Variants in ZNF729 observed in about 807,000 individuals in gnomAD.
ZNF729 encodes the protein zinc finger protein 729.
In ZNF729, 15 loss-of-function variants were observed where a neutral mutation model predicts 12.2. The observed-to-expected ratio is 1.23, with a 90% CI of 0.82 to 1.89. ZNF729 has a LOEUF of 1.89. ZNF729 is among the 40% of genes most tolerant of loss of function. The pLI is 0.00. For synonymous variants in ZNF729, 492 were observed against 476.3 expected, an observed-to-expected ratio of 1.03 and a Z score of -0.43; for missense variants, 1,540 against 1,456.7, an observed-to-expected ratio of 1.06 and a Z score of -0.93.
intron 1 of ZNF729, among the ~76,000 whole-genome samples, chr19:22,298,151 T>C (rs1968256797): frequency 6.6e-6 from 1 of 152,086 alleles, no homozygotes; most frequent in Non-Finnish European, 1.5e-5. Context: ...TAGTTACGTG[T>C]AGTGTTTGTA....
chr19:22,301,024 A>C (rs1399160895), intron 1 of ZNF729, among the ~76,000 whole-genome samples: 1 of 152,034 alleles, frequency 6.6e-6, no homozygotes, highest in East Asian at 1.9e-4. Flanking sequence ...GAGCAGAATT[A>C]TGTTTCTCTT....
chr19:22,301,570 A>G (rs1968305433), intron 1 of ZNF729, among the ~76,000 whole-genome samples: 1 of 152,304 alleles, frequency 6.6e-6, no homozygotes, highest in African/African-American at 2.4e-5. Context: ...GAGAGTATGC[A>G]GAAAACCAGC....
At chr19:22,308,779 A>C (rs1968415314) in intron 3 of ZNF729, among the ~76,000 whole-genome samples, 1 of 151,838 alleles carries the variant, frequency 6.6e-6, no homozygotes, top group Admixed American at 6.6e-5. Context: ...GTTCTTTGTC[A>C]GGTGTATAGA....
intron 3 of ZNF729, among the ~76,000 whole-genome samples, chr19:22,307,800 GTTTTTTT>G: frequency 2.8e-4 from 15 of 53,368 alleles, no homozygotes; most frequent in South Asian, 8.9e-4. Flanking sequence ...AAAGCTCTGT[GTTTTTTT>G]TTTTTTTTTT....
At position 22,303,845 on chromosome 19, in the gene ZNF729, G is replaced by T. The variant is rs1445639647; in HGVS notation, c.118G>T (p.Asp40Tyr). Residue 40 changes from aspartate (D) to tyrosine (Y), a missense_variant, in exon 2 of 4, where the codon GAT becomes TAT. Coordinates refer to ENST00000601693, the MANE Select transcript of ZNF729 (RefSeq NM_001242680.2). Reference protein sequence around the residue: ...LDTVQQNLYRDVMLENYRNLV... With the variant: ...LDTVQQNLYRYVMLENYRNLV... ...CACGGTTCAGCAGAATTTATATAGG[G>T]ATGTGATGTTAGAGAACTACAGAAA... 1 of 1,574,046 alleles carries T rather than the reference G, an allele frequency of 6.4e-7. No homozygotes were observed. The highest frequency in any genetic ancestry group is 1.1e-5 in the South Asian group (1 of 90,506).
At chr19:22,289,866 G>A (rs60233053) in intron 1 of ZNF729, among the ~76,000 whole-genome samples, 3,794 of 152,134 alleles carry the variant, frequency 0.025, 152 homozygotes, top group African/African-American at 0.087. Context: ...CCCTCTAGAA[G>A]TGTTCCCATA....
chr19:22,316,618 G>A lies in ZNF729; in HGVS notation c.3201G>A (p.Lys1067=), dbSNP rs779373036. Residue 1067 remains lysine (K), a synonymous_variant, in exon 4 of 4, where the codon AAG becomes AAA. Coordinates refer to ENST00000601693, the MANE Select transcript of ZNF729 (RefSeq NM_001242680.2). ...GGTCCTCAAAACTTACTGAACATAA[G>A]GTAATTCATACTGGAGAGAAACCCT... ...FKWSSKLTEH[K]VIHTGEKPCK... is the part of the protein sequence containing the mutation. The A allele has an allele frequency of 1.2e-6, 2 of 1,612,710 alleles. No individual in the cohort carries two copies. Among genetic ancestry groups the A allele is most frequent in the Non-Finnish European group, 1.7e-6 (2 of 1,179,670 alleles).
chr19:22,314,223 G>A lies in ZNF729; in HGVS notation c.806G>A (p.Cys269Tyr). ...GAGACACCTTTCAGATGTGAAGAAT[G>A]TGGCAAAGCTTTTAACCAGTCCTCA... ...TGETPFRCEE[C>Y]GKAFNQSSNL... The change falls in exon 4 of 4, where the codon TGT becomes TAT. Residue 269 changes from cysteine (C) to tyrosine (Y), a missense_variant. Coordinates refer to ENST00000601693, the MANE Select transcript of ZNF729 (RefSeq NM_001242680.2). The A allele has an allele frequency of 6.2e-7, 1 of 1,605,800 alleles. No individual in the cohort carries two copies. The highest frequency in any genetic ancestry group is 1.3e-5 in the African/African-American group (1 of 74,850).
intron 1 of ZNF729, among the ~76,000 whole-genome samples, chr19:22,287,063 A>G (rs1968087919): frequency 6.6e-6 from 1 of 152,196 alleles, no homozygotes; most frequent in Non-Finnish European, 1.5e-5. Flanking sequence ...TTTGACGGAA[A>G]GATTTTTTTA....
intron 3 of ZNF729, among the ~76,000 whole-genome samples, chr19:22,306,913 A>G (rs1394278924): frequency 6.6e-6 from 1 of 151,442 alleles, no homozygotes; most frequent in Non-Finnish European, 1.5e-5. Context: ...GAATCATTTT[A>G]TTTTCAACAT....
chr19:22,292,606 T>G (rs577204976), intron 1 of ZNF729, among the ~76,000 whole-genome samples: 72 of 151,970 alleles, frequency 4.7e-4, no homozygotes, highest in African/African-American at 1.7e-3. Flanking sequence ...CCCAGCTAAT[T>G]TTTCTTGTAT....
chr19:22,292,494 A>G (rs1438728411), intron 1 of ZNF729, among the ~76,000 whole-genome samples: 1 of 152,132 alleles, frequency 6.6e-6, no homozygotes, highest in Non-Finnish European at 1.5e-5. Context: ...GCTGGAGTAT[A>G]GTGGCATGAT....
chr19:22,314,687 A>T lies in ZNF729; in HGVS notation c.1270A>T (p.Ile424Leu), dbSNP rs760465513. 3.1e-6 allele frequency: 5 copies of T among 1,612,600 alleles called. No homozygotes were observed. Among genetic ancestry groups the T allele is most frequent in the East Asian group, 2.2e-5 (1 of 44,784 alleles). Residue 424 changes from isoleucine to leucine, a missense_variant, in exon 4 of 4, where the codon ATA (isoleucine) becomes TTA (leucine). Ile to Leu is a conservative substitution (Grantham distance 5). Transcript: ENST00000601693. ...GTTCTCAACCCTTAAAAAACATAAG[A>T]TAATTCATACTGGAAAGAAACCCTA... The part of the protein sequence containing the change: ...SQFSTLKKHK[I>L]IHTGKKPYKC...
At chr19:22,292,233 C>G (rs562927869) in intron 1 of ZNF729, among the ~76,000 whole-genome samples, 22 of 152,188 alleles carry the variant, frequency 1.4e-4, no homozygotes, top group Middle Eastern at 3.4e-3. Flanking sequence ...GTCTGTTGTT[C>G]CCCTCTTTGT....
At chr19:22,295,107 T>C (rs893438124) in intron 1 of ZNF729, among the ~76,000 whole-genome samples, 6 of 151,396 alleles carry the variant, frequency 4.0e-5, no homozygotes, top group Admixed American at 6.6e-5. Context: ...TTGATTTGGC[T>C]TTTGGCTTGC....
At chr19:22,305,960 A>G (rs1346777397) in intron 3 of ZNF729, among the ~76,000 whole-genome samples, 1 of 151,688 alleles carries the variant, frequency 6.6e-6, no homozygotes, top group Non-Finnish European at 1.5e-5. Flanking sequence ...ATGGCATTAA[A>G]CCTAGCTAGT....
intron 1 of ZNF729, among the ~76,000 whole-genome samples, chr19:22,293,492 C>CTCTTTTTTTTTTT (rs1181519048): frequency 2.0e-5 from 1 of 50,036 alleles, no homozygotes; most frequent in African/African-American, 1.1e-4. Context: ...AGCCTTTTGT[C>CTCTTTTTTTTTTT]TATTTTTTTT....
chr19:22,297,299 T>TC (rs1005047987), intron 1 of ZNF729, among the ~76,000 whole-genome samples: 2 of 146,864 alleles, frequency 1.4e-5, no homozygotes, highest in African/African-American at 4.9e-5. Context: ...TTTTTTTTTT[T>TC]CCCATAAGCA....
At chr19:22,297,256 A>G (rs1299660047) in intron 1 of ZNF729, among the ~76,000 whole-genome samples, 1 of 150,830 alleles carries the variant, frequency 6.6e-6, no homozygotes, top group African/African-American at 2.4e-5. Flanking sequence ...ATGTGTACCA[A>G]TACATTTTTT....
Sources: allele counts gnomAD v4.1 joint callset (sites outside exome capture counted in the v4.1 genomes callset), GRCh38; gene constraint gnomAD v4.1.1; transcripts MANE v1.5; gene names NCBI Gene and HGNC (gene_info 2026-07-23, HGNC 2026-07-21).